The following RBBP4 variants were observed in gnomAD, a reference collection of about 807,000 sequenced individuals.
RBBP4 encodes the protein histone-binding protein RBBP4.
In RBBP4, 3 loss-of-function variants were observed where a neutral mutation model predicts 57.2. The observed-to-expected ratio is 0.05, with a 90% CI of 0.02 to 0.14. The LOEUF (loss-of-function observed/expected upper bound fraction) is 0.14, where lower values mean the gene tolerates loss of function less well. Ranked by LOEUF, RBBP4 falls within the 10% of genes least tolerant of loss-of-function variation. The pLI is 1.00. For synonymous variants in RBBP4, 151 were observed against 171.5 expected (o/e 0.88, Z 0.93); for missense variants, 107 against 520.6 (o/e 0.21, Z 7.73).
chr1:32,657,282 A>G (rs1648187339), intron 2 of RBBP4, 145 bp from the exon 3 acceptor site: 1 of 768,362 alleles, frequency 1.3e-6, no homozygotes, highest in African/African-American at 1.8e-5. Flanking sequence ...TTTATAAAAA[A>G]AGAAAGAAAG....
At chr1:32,658,513 A>G (rs1388958708) in intron 3 of RBBP4, among the ~76,000 whole-genome samples, 1 of 151,478 alleles carries the variant, frequency 6.6e-6, no homozygotes, top group Non-Finnish European at 1.5e-5. Flanking sequence ...GCCATAACCT[A>G]AGGGTTTAAC....
chr1:32,674,982 C>T (rs951283877), intron 11 of RBBP4, among the ~76,000 whole-genome samples: 2 of 152,024 alleles, frequency 1.3e-5, no homozygotes, highest in East Asian at 3.9e-4. Flanking sequence ...CATGATCCGC[C>T]CTCTTTGGCC....
In RBBP4 at chr1:32,669,758, C is replaced by T. The variant is rs760606458; in HGVS notation, c.966+195C>T. Reference sequence around the variant, plus strand: ...ATAAAAAATTAGCCGGGCATGGTGGCGGATGCCCGTAGTCCCAGCTACTCG... The same window carrying T: ...ATAAAAAATTAGCCGGGCATGGTGGTGGATGCCCGTAGTCCCAGCTACTCG... On this transcript the variant is annotated intron_variant, in intron 8 of 11. Transcript: ENST00000373493. This position sits in a 1 kb window ranked among gnomAD's most constrained non-coding sequence, Gnocchi z 4.9. Among the ~76,000 whole-genome samples the T allele has an allele frequency of 9.9e-5, 15 of 152,116 alleles. No homozygotes were observed. Among genetic ancestry groups the T allele is most frequent in the Non-Finnish European group, 2.1e-4 (14 of 68,002 alleles).
intron 11 of RBBP4, among the ~76,000 whole-genome samples, chr1:32,677,648 G>A (rs1229670098): frequency 6.6e-6 from 1 of 152,100 alleles, no homozygotes; most frequent in Non-Finnish European, 1.5e-5. Context: ...AATTGCAACT[G>A]GCTTCTGAAG....
chr1:32,667,571 G>A (rs902799302), intron 3 of RBBP4, among the ~76,000 whole-genome samples: 2 of 152,160 alleles, frequency 1.3e-5, no homozygotes, highest in East Asian at 1.9e-4. Flanking sequence ...TATCTCTTTT[G>A]TCTTGTGTCT....
At chr1:32,654,835 A>G (rs1203910591) in intron 2 of RBBP4, among the ~76,000 whole-genome samples, 1 of 152,144 alleles carries the variant, frequency 6.6e-6, no homozygotes, top group African/African-American at 2.4e-5. Context: ...CTGGGATTAC[A>G]GGCACCCGCC....
At chr1:32,653,679 A>G (rs1402738748) in intron 2 of RBBP4, among the ~76,000 whole-genome samples, 2 of 82,058 alleles carry the variant, frequency 2.4e-5, no homozygotes, top group Non-Finnish European at 4.2e-5. Flanking sequence ...TTTTTTTTTG[A>G]GACGGAGTCT....
chr1:32,666,362 A>ATT (rs66778777), intron 3 of RBBP4, among the ~76,000 whole-genome samples: 11 of 139,952 alleles, frequency 7.9e-5, no homozygotes, highest in East Asian at 4.1e-4. Flanking sequence ...TGAAAACTTT[A>ATT]TTTTTTTTTT....
At chr1:32,664,766 G>T (rs913401255) in intron 3 of RBBP4, among the ~76,000 whole-genome samples, 1 of 152,036 alleles carries the variant, frequency 6.6e-6, no homozygotes, top group African/African-American at 2.4e-5. Context: ...TTTGGGGGTG[G>T]TGGTCATTGG....
intron 11 of RBBP4, among the ~76,000 whole-genome samples, chr1:32,674,282 A>G (rs542188242): frequency 6.8e-6 from 1 of 147,848 alleles, no homozygotes; most frequent in East Asian, 2.0e-4. Context: ...TGTTCAGGCT[A>G]CAGTGCAGTG....
intron 2 of RBBP4, among the ~76,000 whole-genome samples, chr1:32,653,554 T>G (rs1389786952): frequency 7.0e-6 from 1 of 143,088 alleles, no homozygotes; most frequent in African/African-American, 2.6e-5. Flanking sequence ...TAGGGAAATG[T>G]GTCCTAGGGA....
intron 3 of RBBP4, among the ~76,000 whole-genome samples, chr1:32,667,637 T>C (rs2148525548): frequency 6.6e-6 from 1 of 152,328 alleles, no homozygotes; most frequent in Non-Finnish European, 1.5e-5. Context: ...CTAAGCCCCG[T>C]AGGGCTGGAC....
chr1:32,663,651 A>AC (rs1648519357), intron 3 of RBBP4, among the ~76,000 whole-genome samples: 1 of 151,432 alleles, frequency 6.6e-6, no homozygotes, highest in Non-Finnish European at 1.5e-5. Flanking sequence ...ATCTCCGCTT[A>AC]CTGCAAGCTC....
chr1:32,684,460 CTTT>C lies in RBBP4; in HGVS notation c.*4759_*4761del. On this transcript the variant is annotated 3_prime_UTR_variant, in exon 12 of 12. Coordinates refer to ENST00000373493, the MANE Select transcript of RBBP4 (RefSeq NM_005610.3). ...ATTGTCCACTCTTACTTATAAAACACTTTTTTGTTCATTGTTTAATCTTGATAG... is the reference window on the plus strand; with the variant it reads ...ATTGTCCACTCTTACTTATAAAACACTTTGTTCATTGTTTAATCTTGATAG... 6.3e-7 allele frequency: 1 copy of C among 1,593,938 alleles called. No individual in the cohort carries two copies. The highest frequency in any genetic ancestry group is 1.7e-5 in the Admixed American group (1 of 58,042).
At position 32,669,633 on chromosome 1, in the gene RBBP4, G is replaced by C; in HGVS notation, c.966+70G>C. On this transcript the variant is annotated intron_variant, in intron 8 of 11. Coordinates refer to ENST00000373493, the MANE Select transcript of RBBP4 (RefSeq NM_005610.3). This position sits in a 1 kb window ranked among gnomAD's most constrained non-coding sequence, Gnocchi z 4.9. Reference sequence around the variant, plus strand: ...CTGCTGGGCGCGGTCGCTCACGCCTGTAATCCCAGCACTTTGGGAGGCTGA... The same window carrying C: ...CTGCTGGGCGCGGTCGCTCACGCCTCTAATCCCAGCACTTTGGGAGGCTGA... The C allele has an allele frequency of 2.0e-6, 3 of 1,530,026 alleles. No homozygotes were observed. The highest frequency in any genetic ancestry group is 1.8e-6 in the Non-Finnish European group (2 of 1,141,896). The allele number at this position is 1,530,026 out of a possible 1,614,324, so 94.8% of individuals were successfully genotyped here.
Position 32,675,027 on chromosome 1 carries a change from G to A in RBBP4, c.1212+2126G>A, listed in dbSNP as rs147952969. ...ACTGGAATTACAGACGTGAGCCACC[G>A]TGCCCGGCATTTTTATTTTTGAGAC... is the stretch of plus-strand genomic sequence containing the variant. On this transcript the variant is annotated intron_variant, in intron 11 of 11. Transcript: ENST00000373493. Among the ~76,000 whole-genome samples, 12 of 151,616 alleles carry A rather than the reference G, an allele frequency of 7.9e-5. 1 individual carries two copies. The East Asian group carries it at 1.4e-3, about 17-fold the overall frequency.
chr1:32,668,644 AAGAGCTTTAGAC>A, intron 4 of RBBP4, 83 bp from the exon 5 acceptor site: 2 of 992,276 alleles, frequency 2.0e-6, no homozygotes, highest in Non-Finnish European at 3.1e-6. Context: ...TATAAATGTT[AAGAGCTTTAGAC>A]ATCTTGACCA....
chr1:32,651,835 G>A (rs1193421215), intron 1 of RBBP4, 79 bp from the exon 2 acceptor site: 6 of 1,432,072 alleles, frequency 4.2e-6, no homozygotes, highest in African/African-American at 1.4e-5. Context: ...TAGGCTGTAG[G>A]AGTCATGCAG....
At chr1:32,658,391 A>T (rs1038388850) in intron 3 of RBBP4, among the ~76,000 whole-genome samples, 1 of 152,040 alleles carries the variant, frequency 6.6e-6, no homozygotes, top group Non-Finnish European at 1.5e-5. Flanking sequence ...AGAAACACTA[A>T]CTTAAATTAC....
Sources: allele counts gnomAD v4.1 joint callset (sites outside exome capture counted in the v4.1 genomes callset), GRCh38; gene constraint gnomAD v4.1.1; non-coding constraint Gnocchi (gnomAD v3.1); transcripts MANE v1.5; gene names NCBI Gene and HGNC (gene_info 2026-07-23, HGNC 2026-07-21).